Variants in CTBP2 observed in about 807,000 individuals in gnomAD.
CTBP2 encodes C-terminal-binding protein 2.
Under a neutral mutation model 80.3 loss-of-function variants are expected in CTBP2, and 30 were observed. That is an observed-to-expected ratio of 0.37 (90% CI 0.28 to 0.51). The LOEUF is 0.51. Ranked by LOEUF, CTBP2 falls within the 20% of genes least tolerant of loss-of-function variation. The probability of loss-of-function intolerance (pLI) is 0.93; values close to 1 mark genes in which losing one functional copy is unlikely to be tolerated. For synonymous variants in CTBP2, 594 were observed against 587.4 expected (o/e 1.01, Z -0.16); for missense variants, 1,212 against 1,375.3 (o/e 0.88, Z 1.88).
intron 2 of CTBP2, among the ~76,000 whole-genome samples, chr10:125,041,929 A>T (rs1411272509): frequency 3.7e-5 from 5 of 136,712 alleles, no homozygotes; most frequent in Non-Finnish European, 6.2e-5. Flanking sequence ...TTCCACTATT[A>T]AAAAAAAAAA....
rs998168895 is a variant in CTBP2, at chr10:125,027,518, G to C, written c.242C>G (p.Ala81Gly). 6.2e-7 allele frequency: 1 copy of C among 1,614,118 alleles called. No homozygotes were observed. Residue 81 changes from alanine to glycine, a missense_variant, in exon 1 of 9, where the codon GCA becomes GGA. By Grantham distance (60) the Ala-to-Gly change is moderately conservative. Transcript: ENST00000309035. ...GAAGTCAGGAGTAGACCCCTTTCTT[G>C]CAGCCACTGAGTTATAAACGGCCTC... is the stretch of plus-strand genomic sequence containing the variant.
intron 2 of CTBP2, among the ~76,000 whole-genome samples, chr10:125,086,008 T>G (rs1334787368): frequency 3.3e-5 from 5 of 152,160 alleles, no homozygotes; most frequent in African/African-American, 4.8e-5. Flanking sequence ...ATGGCTGGCC[T>G]CCTCCTGCCA....
chr10:125,029,370 T>C (rs975879828), upstream of CTBP2, among the ~76,000 whole-genome samples: 4 of 151,922 alleles, frequency 2.6e-5, no homozygotes, highest in African/African-American at 9.7e-5. Context: ...GCCTCACAAG[T>C]AGCTGGGATT....
chr10:125,043,161 G>A (rs1960321008), intron 2 of CTBP2, among the ~76,000 whole-genome samples: 1 of 152,198 alleles, frequency 6.6e-6, no homozygotes, highest in Non-Finnish European at 1.5e-5. Flanking sequence ...TGACATTTTT[G>A]AAGACGTGAG....
chr10:125,065,688 C>A (rs1844516040), intron 2 of CTBP2, among the ~76,000 whole-genome samples: 1 of 152,186 alleles, frequency 6.6e-6, no homozygotes, highest in Non-Finnish European at 1.5e-5. Context: ...TTGTGGCCAG[C>A]CCCAGTGGAA....
At position 124,997,953 on chromosome 10, in the gene CTBP2, G is replaced by C. The variant is rs73373188; in HGVS notation, c.2185+11C>G. The C allele has an allele frequency of 1.2e-6, 2 of 1,609,438 alleles. No homozygotes were observed. The highest frequency in any genetic ancestry group is 1.7e-6 in the Non-Finnish European group (2 of 1,178,768). On this transcript the variant is annotated intron_variant, in intron 4 of 8. Transcript: ENST00000309035. ...GAGGGGTTGGGGGTCAGCGCAGAGGGTGGCACGTACCAAAGCCAATGAGGC... is the reference window on the plus strand; with the variant it reads ...GAGGGGTTGGGGGTCAGCGCAGAGGCTGGCACGTACCAAAGCCAATGAGGC...
At position 125,066,390 on chromosome 10, in the gene CTBP2, G is replaced by C. The variant is rs1053607878; in HGVS notation, c.-101-27235C>G. 6.6e-6 allele frequency among the ~76,000 whole-genome samples: 1 copy of C among 152,186 alleles called. No homozygotes were observed. Among genetic ancestry groups the C allele is most frequent in the African/African-American group, 2.4e-5 (1 of 41,462 alleles). On this transcript the variant is annotated intron_variant, in intron 2 of 10. Transcript: ENST00000337195. The surrounding 1 kb of genome is among the most constrained non-coding windows in gnomAD (Gnocchi z 4.1). ...CAGAACGTCCCGTGCCTTCTAAGCA[G>C]TCAGGTGCATGCACCATGCTAGGTG... is the stretch of plus-strand genomic sequence containing the variant.
chr10:125,008,644 CAG>C (rs1327645276), intron 1 of CTBP2, among the ~76,000 whole-genome samples: 1 of 152,264 alleles, frequency 6.6e-6, no homozygotes, highest in Non-Finnish European at 1.5e-5. Context: ...CAGAAGGTGT[CAG>C]AGTGCTGCAA....
At chr10:125,137,628 T>C (rs1261492930) in intron 1 of CTBP2, among the ~76,000 whole-genome samples, 1 of 152,168 alleles carries the variant, frequency 6.6e-6, no homozygotes, top group Non-Finnish European at 1.5e-5. Flanking sequence ...TATAATAAAA[T>C]AGAATAACTT....
At chr10:125,086,713 C>A (rs186016004) in intron 2 of CTBP2, among the ~76,000 whole-genome samples, 68 of 151,616 alleles carry the variant, frequency 4.5e-4, no homozygotes, top group Non-Finnish European at 7.5e-4. Flanking sequence ...CATCAGACAT[C>A]GAATCTGCTG....
At chr10:125,115,746 A>C (rs1180488341) in intron 1 of CTBP2, among the ~76,000 whole-genome samples, 1 of 152,288 alleles carries the variant, frequency 6.6e-6, no homozygotes, top group African/African-American at 2.4e-5. Context: ...CAGGTCATTG[A>C]TGGTTAATGG....
intron 2 of CTBP2, among the ~76,000 whole-genome samples, chr10:125,104,876 A>G (rs1851217837): frequency 6.6e-6 from 1 of 152,250 alleles, no homozygotes; most frequent in South Asian, 2.1e-4. Context: ...GCCTGGGAAG[A>G]AGGAAGCCAC....
intron 1 of CTBP2, among the ~76,000 whole-genome samples, chr10:125,141,401 C>G (rs571412634): frequency 4.6e-5 from 7 of 152,150 alleles, no homozygotes; most frequent in African/African-American, 1.7e-4. Context: ...CCCTCGGGGC[C>G]GGCACCAGCC....
At chr10:125,068,463 G>T (rs1844975092) in intron 2 of CTBP2, among the ~76,000 whole-genome samples, 1 of 152,320 alleles carries the variant, frequency 6.6e-6, no homozygotes, top group Non-Finnish European at 1.5e-5. Context: ...TTGCAGTTTG[G>T]ATAACCTAAG....
At chr10:125,128,232 G>C (rs1370532180) in intron 1 of CTBP2, among the ~76,000 whole-genome samples, 3 of 152,128 alleles carry the variant, frequency 2.0e-5, no homozygotes, top group Admixed American at 6.5e-5. Context: ...CCATCAGTAG[G>C]CTCCAAAAGT....
At chr10:125,043,711 T>C (rs1366787268) in intron 2 of CTBP2, among the ~76,000 whole-genome samples, 2 of 152,090 alleles carry the variant, frequency 1.3e-5, no homozygotes, top group African/African-American at 4.8e-5. Flanking sequence ...GCTGGGATTA[T>C]AGGTGTAAGC....
chr10:125,092,629 G>T (rs1477335799), intron 2 of CTBP2, among the ~76,000 whole-genome samples: 1 of 152,160 alleles, frequency 6.6e-6, no homozygotes. Flanking sequence ...CATCCTACAG[G>T]GTTAGTTCCA....
rs1044195205 is a variant in CTBP2, at chr10:125,040,963, C to T, written c.-101-1808G>A. ...AACCCTTTCAACGATTGGGAAGTTC[C>T]CCCAAAACGGGGACTGACCATATCG... On this transcript the variant is annotated intron_variant, in intron 2 of 10. Coordinates refer to the CTBP2 transcript ENST00000337195. 5.3e-5 allele frequency among the ~76,000 whole-genome samples: 8 copies of T among 152,212 alleles called. No individual in the cohort carries two copies. The East Asian group carries it at 9.6e-4, about 18-fold the overall frequency.
chr10:124,992,675 AAGTC>A lies in CTBP2; in HGVS notation c.2777+16_2777+19del. 1 of 1,575,634 alleles carries A rather than the reference AAGTC, an allele frequency of 6.3e-7. No individual in the cohort carries two copies. The highest frequency in any genetic ancestry group is 8.7e-7 in the Non-Finnish European group (1 of 1,155,282). On this transcript the variant is annotated intron_variant, in intron 8 of 8. Transcript: ENST00000309035. ...GCCGTGGTGCTCACAAGCTGAGACA[AAGTC>A]AGTTCCTTTTCTCACCTGTATGTGG...
Sources: gnomAD v4.1 joint callset for allele counts (sites outside exome capture counted in the v4.1 genomes callset) on GRCh38, gnomAD v4.1.1 for gene constraint, Gnocchi (gnomAD v3.1) non-coding constraint, MANE v1.5 for transcripts, NCBI Gene and HGNC (gene_info 2026-07-23, HGNC 2026-07-21) for gene names.